CDH11: variants seen among roughly 807,000 people sequenced by gnomAD.
CDH11 encodes the protein cadherin 11.
In CDH11, 11 loss-of-function variants were observed where a neutral mutation model predicts 67.8. That is an observed-to-expected ratio of 0.16 (90% CI 0.10 to 0.27). The LOEUF (loss-of-function observed/expected upper bound fraction) is 0.27, where lower values mean the gene tolerates loss of function less well. CDH11 is among the 10% of genes least tolerant of loss of function. The probability of loss-of-function intolerance (pLI) is 1.00; values close to 1 mark genes in which losing one functional copy is unlikely to be tolerated. For synonymous variants in CDH11, 419 were observed against 400.0 expected (o/e 1.05, Z -0.57); for missense variants, 847 against 1,031.2 (o/e 0.82, Z 2.45).
chr16:65,098,286 G>T (rs535661764), intron 1 of CDH11, among the ~76,000 whole-genome samples: 1 of 152,260 alleles, frequency 6.6e-6, no homozygotes, highest in South Asian at 2.1e-4. Flanking sequence ...AGGGATGACA[G>T]AACAACATGC....
At chr16:65,114,585 G>A (rs1221811992) in intron 1 of CDH11, among the ~76,000 whole-genome samples, 3 of 152,112 alleles carry the variant, frequency 2.0e-5, no homozygotes, top group Admixed American at 1.3e-4. Flanking sequence ...ATCTCAAAAA[G>A]TTGTCTCTCT....
chr16:65,100,566 G>A (rs1464940794), intron 1 of CDH11, among the ~76,000 whole-genome samples: 3 of 151,840 alleles, frequency 2.0e-5, no homozygotes, highest in African/African-American at 4.8e-5. Context: ...GTGAAACTCC[G>A]TCTCTACTAA....
intron 1 of CDH11, among the ~76,000 whole-genome samples, chr16:65,088,862 A>G (rs1177091625): frequency 6.6e-6 from 1 of 152,192 alleles, no homozygotes; most frequent in African/African-American, 2.4e-5. Flanking sequence ...ATTGATTTAT[A>G]CTTTCGTCAG....
At chr16:65,118,107 A>G (rs552517166) in intron 1 of CDH11, among the ~76,000 whole-genome samples, 9 of 152,210 alleles carry the variant, frequency 5.9e-5, no homozygotes, top group Admixed American at 1.3e-4. Flanking sequence ...ACCGCTTTTC[A>G]TGATGCCCTC....
chr16:65,092,603 T>G (rs962406141), intron 1 of CDH11, among the ~76,000 whole-genome samples: 1 of 152,168 alleles, frequency 6.6e-6, no homozygotes, highest in Non-Finnish European at 1.5e-5. Flanking sequence ...CTGAGGAACA[T>G]GGCCACAGCC....
chr16:65,107,857 G>A (rs1170983611), intron 1 of CDH11, among the ~76,000 whole-genome samples: 1 of 152,054 alleles, frequency 6.6e-6, no homozygotes, highest in Non-Finnish European at 1.5e-5. Flanking sequence ...GACCCAAAAG[G>A]CCACTTTACA....
intron 11 of CDH11, among the ~76,000 whole-genome samples, chr16:64,952,723 G>C (rs1202831777): frequency 1.3e-5 from 2 of 151,900 alleles, no homozygotes; most frequent in East Asian, 3.9e-4. Flanking sequence ...CTCTGTTTGT[G>C]GGTTAAGAAT....
chr16:64,961,741 A>C (rs1170400750), intron 11 of CDH11, among the ~76,000 whole-genome samples: 1 of 152,148 alleles, frequency 6.6e-6, no homozygotes, highest in Non-Finnish European at 1.5e-5. Context: ...AATTAAAATT[A>C]TGAAGTTAAT....
intron 1 of CDH11, chr16:65,094,787 T>A (rs1185365382): frequency 1.3e-5 from 2 of 152,160 alleles, no homozygotes; most frequent in African/African-American, 2.4e-5. Flanking sequence ...ACCCCTTCCA[T>A]CTCTTCTGTC....
chr16:65,055,015 G>A (rs558601567), intron 1 of CDH11, among the ~76,000 whole-genome samples: 13 of 152,338 alleles, frequency 8.5e-5, no homozygotes, highest in African/African-American at 3.1e-4. Flanking sequence ...TTTGGTGACT[G>A]TAGCAAGATG....
Position 64,998,720 on chromosome 16 carries a change from G to T in CDH11, c.365C>A (p.Ala122Asp). The change falls in exon 4 of 13, where the codon GCC (alanine) becomes GAC (aspartate). Residue 122 changes from alanine to aspartate, a missense_variant. Coordinates refer to ENST00000268603, the MANE Select transcript of CDH11 (RefSeq NM_001797.4). ...ATKTLDREER[A>D]QYTLMAQAVD... ...CGCCTGAGCCATCAACGTGTACTGG[G>T]CTCTCTCTTCTCGATCCAACGTCTT... The T allele has an allele frequency of 6.2e-7, 1 of 1,614,120 alleles. No homozygotes were observed. Among genetic ancestry groups the T allele is most frequent in the Non-Finnish European group, 8.5e-7 (1 of 1,180,024 alleles).
At chr16:65,117,330 T>G (rs1161699523) in intron 1 of CDH11, among the ~76,000 whole-genome samples, 2 of 152,210 alleles carry the variant, frequency 1.3e-5, no homozygotes, top group East Asian at 3.9e-4. Flanking sequence ...CAGTACTTAT[T>G]TCTTTAATGG....
intron 2 of CDH11, among the ~76,000 whole-genome samples, chr16:65,045,019 G>A (rs747511658): frequency 2.0e-5 from 3 of 151,886 alleles, no homozygotes; most frequent in Non-Finnish European, 4.4e-5. Context: ...CACTGTGTGG[G>A]GGCTGGCACG....
At chr16:65,114,362 C>T (rs933324962) in intron 1 of CDH11, among the ~76,000 whole-genome samples, 5 of 152,084 alleles carry the variant, frequency 3.3e-5, no homozygotes, top group Admixed American at 6.5e-5. Context: ...GCTTGAGACA[C>T]GCACCAAAAA....
At chr16:65,080,283 CA>C (rs11374863) in intron 1 of CDH11, among the ~76,000 whole-genome samples, 2,210 of 121,562 alleles carry the variant, frequency 0.018, 53 homozygotes, top group African/African-American at 0.053. Flanking sequence ...AGTACAAATG[CA>C]AAAAAAAAAA....
chr16:65,069,889 G>C (rs1422366689), intron 1 of CDH11, among the ~76,000 whole-genome samples: 1 of 152,148 alleles, frequency 6.6e-6, no homozygotes, highest in African/African-American at 2.4e-5. Flanking sequence ...CTGGGGACCA[G>C]GGACACGGTG....
chr16:65,040,023 AG>A (rs2142660017), intron 2 of CDH11, among the ~76,000 whole-genome samples: 1 of 152,318 alleles, frequency 6.6e-6, no homozygotes, highest in South Asian at 2.1e-4. Flanking sequence ...ATCTCATACC[AG>A]TTAGAATGGC....
At position 65,066,810 on chromosome 16, in the gene CDH11, G is replaced by A. The variant is rs535931232; in HGVS notation, c.-297-12882C>T. 5.9e-5 allele frequency among the ~76,000 whole-genome samples: 9 copies of A among 152,326 alleles called. No homozygotes were observed. In the South Asian group the frequency reaches 1.2e-3, roughly 21 times the overall value. On this transcript the variant is annotated intron_variant, in intron 1 of 12. Coordinates refer to ENST00000268603, the MANE Select transcript of CDH11 (RefSeq NM_001797.4). ...AAGCAGAAACTCTGTCATCTGCATC[G>A]TGTTTATAGCTCCTACAGTACCTAC...
chr16:64,949,339 C>T (rs2071287239), intron 12 of CDH11, among the ~76,000 whole-genome samples: 1 of 151,604 alleles, frequency 6.6e-6, no homozygotes, highest in Non-Finnish European at 1.5e-5. Flanking sequence ...CTCAGCTGGA[C>T]AACTCTCAGC....
Sources: allele counts gnomAD v4.1 joint callset (sites outside exome capture counted in the v4.1 genomes callset), GRCh38; gene constraint gnomAD v4.1.1; transcripts MANE v1.5; gene names NCBI Gene and HGNC (gene_info 2026-07-23, HGNC 2026-07-21).